ADAMTSL2: variants seen among roughly 807,000 people sequenced by gnomAD.
The protein encoded by ADAMTSL2 is ADAMTS like 2.
In ADAMTSL2, 55 loss-of-function variants were observed where a neutral mutation model predicts 117.0. That is an observed-to-expected ratio of 0.47 (90% CI 0.38 to 0.59). The LOEUF (loss-of-function observed/expected upper bound fraction) is 0.59, where lower values mean the gene tolerates loss of function less well. Ranked by LOEUF, ADAMTSL2 falls within the 20% of genes least tolerant of loss-of-function variation. ADAMTSL2 has a pLI of 0.00. For missense variants in ADAMTSL2, 1,182 were observed against 1,354.5 expected (o/e 0.87, Z 2.00); for synonymous variants, 572 against 566.4 (o/e 1.01, Z -0.14).
chr9:133,555,554 C>T lies in ADAMTSL2; in HGVS notation c.1277-4C>T. 6.2e-7 allele frequency: 1 copy of T among 1,612,972 alleles called. No homozygotes were observed. The highest frequency in any genetic ancestry group is 2.2e-5 in the East Asian group (1 of 44,876). On this transcript the variant is annotated splice_polypyrimidine_tract_variant and splice_region_variant and intron_variant, in intron 10 of 18. Coordinates refer to ENST00000651351, the MANE Select transcript of ADAMTSL2 (RefSeq NM_014694.4). ...CACGGTTGAGCCACCTGTCTCCTCT[C>T]CAGACCGCAACGTCACGGGGACTCC...
intron 9 of ADAMTSL2, among the ~76,000 whole-genome samples, chr9:133,549,870 A>G (rs1326228131): frequency 2.6e-5 from 4 of 152,228 alleles, no homozygotes; most frequent in African/African-American, 9.6e-5. Context: ...TCCAGACCAC[A>G]GACCCCAGAG....
chr9:133,559,574 G>A (rs1257418945), intron 11 of ADAMTSL2, among the ~76,000 whole-genome samples: 1 of 149,850 alleles, frequency 6.7e-6, no homozygotes, highest in African/African-American at 2.5e-5. Flanking sequence ...GGATGGTCTC[G>A]ATCTCCTGAC....
intron 17 of ADAMTSL2, among the ~76,000 whole-genome samples, chr9:133,571,351 T>A (rs937717238): frequency 3.6e-4 from 55 of 152,276 alleles, no homozygotes; most frequent in African/African-American, 1.3e-3. Flanking sequence ...GTGTGGCATC[T>A]GCAAGGGAAG....
At chr9:133,536,501 C>T in intron 1 of ADAMTSL2, 62 bp from the exon 2 acceptor site, 1 of 1,492,220 alleles carries the variant, frequency 6.7e-7, no homozygotes, top group Non-Finnish European at 9.0e-7. Flanking sequence ...CATTACTAAT[C>T]ATTCACCAAG....
rs369011404 is a variant in ADAMTSL2 at position 133,544,537 on chromosome 9, C to T, written c.750C>T (p.Ser250=). The T allele has an allele frequency of 4.7e-5, 76 of 1,614,050 alleles. No homozygotes were observed. The highest frequency in any genetic ancestry group is 3.3e-4 in the Middle Eastern group (2 of 6,062). Residue 250 remains serine, a synonymous_variant, in exon 8 of 19, where the codon TCC becomes TCT. Transcript: ENST00000651351. The stretch of plus-strand genomic sequence containing the variant: ...TCCAGATTGTAGAGAGGAAGAAGTC[C>T]GCTGACGTGCTAGGTGGGTACGCAG... ...RDIQIVERKK[S]ADVLALADEA...
intron 9 of ADAMTSL2, among the ~76,000 whole-genome samples, chr9:133,550,861 T>C (rs1332882550): frequency 6.6e-6 from 1 of 152,172 alleles, no homozygotes; most frequent in Admixed American, 6.5e-5. Flanking sequence ...CCATTCTGTC[T>C]TCTACTGGGG....
chr9:133,545,177 G>A (rs914700267), intron 8 of ADAMTSL2, among the ~76,000 whole-genome samples: 34 of 152,226 alleles, frequency 2.2e-4, no homozygotes, highest in Admixed American at 1.7e-3. Context: ...AGTATTGGCC[G>A]AGCAGCGTGC....
intron 5 of ADAMTSL2, 81 bp downstream of exon 5, chr9:133,539,954 T>C: frequency 7.7e-7 from 1 of 1,306,930 alleles, no homozygotes; most frequent in Non-Finnish European, 1.1e-6. Flanking sequence ...GGGACCAAAC[T>C]CGACGGGTGG....
intron 16 of ADAMTSL2, 46 bp from the exon 17 acceptor site, chr9:133,570,285 C>T: frequency 6.5e-7 from 1 of 1,534,266 alleles, no homozygotes; most frequent in South Asian, 1.2e-5. Context: ...TGTGTAGGGT[C>T]CTGCTGGGCC....
At position 133,540,706 on chromosome 9, in the gene ADAMTSL2, C is replaced by G; in HGVS notation, c.521C>G (p.Thr174Ser). The change falls in exon 6 of 19, where the codon ACT becomes AGT. Residue 174 changes from threonine (T) to serine (S), a missense_variant. Around this residue, in one of 3 missense-constraint regions of ADAMTSL2, gnomAD observed 372 missense variants for 463.4 expected, o/e 0.80. Coordinates refer to ENST00000651351, the MANE Select transcript of ADAMTSL2 (RefSeq NM_014694.4). ...CGCGACGGCACATCCTGCAAGCTCA[C>G]TGACCTGCGAGGGGTTTGCGTGTCT... ...PARDGTSCKL[T>S]DLRGVCVSGK... The G allele has an allele frequency of 1.2e-6, 2 of 1,613,952 alleles. No individual in the cohort carries two copies. Among genetic ancestry groups the G allele is most frequent in the Non-Finnish European group, 1.7e-6 (2 of 1,180,052 alleles).
chr9:133,571,595 CT>C (rs1450498303), intron 17 of ADAMTSL2, among the ~76,000 whole-genome samples: 3 of 152,208 alleles, frequency 2.0e-5, no homozygotes, highest in Non-Finnish European at 4.4e-5. Context: ...GCCCCTCTGC[CT>C]TCTGGGCCCC....
chr9:133,540,005 A>G, intron 5 of ADAMTSL2, 132 bp downstream of exon 5: 1 of 855,394 alleles, frequency 1.2e-6, no homozygotes, highest in Non-Finnish European at 1.9e-6. Context: ...AGAGCCAGGA[A>G]TGAACCTGGG....
chr9:133,568,898 A>G (rs1382833621), intron 15 of ADAMTSL2, 140 bp downstream of exon 15: 5 of 1,153,712 alleles, frequency 4.3e-6, no homozygotes, highest in East Asian at 2.5e-5. Flanking sequence ...CTCCCATGTT[A>G]TTATAGGAAT....
chr9:133,562,632 T>C (rs9330155), intron 12 of ADAMTSL2, among the ~76,000 whole-genome samples: 16,516 of 47,684 alleles, frequency 0.35, 4,935 homozygotes, highest in African/African-American at 0.46. Flanking sequence ...CTGGGCCCGG[T>C]TCGCACCGCC....
Position 133,558,224 on chromosome 9 carries a change from C to T in ADAMTSL2, c.1649+2294C>T, listed in dbSNP as rs992922268. Among the ~76,000 whole-genome samples the T allele has an allele frequency of 5.3e-5, 8 of 152,180 alleles. No homozygotes were observed. The highest frequency in any genetic ancestry group is 1.4e-4 in the African/African-American group (6 of 41,442). On this transcript the variant is annotated intron_variant, in intron 11 of 18. Transcript: ENST00000651351. The surrounding 1 kb of genome is among the most constrained non-coding windows in gnomAD (Gnocchi z 4.3). Reference sequence around the variant, plus strand: ...GACTGCTGAGATGCCGCTGCTCCCCCGGCCGGCCTGCCATCAAAGGATGCT... The same window carrying T: ...GACTGCTGAGATGCCGCTGCTCCCCTGGCCGGCCTGCCATCAAAGGATGCT...
chr9:133,544,903 T>G (rs1024215456), intron 8 of ADAMTSL2, among the ~76,000 whole-genome samples: 4 of 152,148 alleles, frequency 2.6e-5, no homozygotes, highest in Non-Finnish European at 5.9e-5. Context: ...GGAGTGAGTC[T>G]CAGGAGATGA....
Position 133,570,429 on chromosome 9 carries a change from G to C in ADAMTSL2, c.2514G>C (p.Gly838=). 1 of 1,605,838 alleles carries C rather than the reference G, an allele frequency of 6.2e-7. No homozygotes were observed. The highest frequency in any genetic ancestry group is 2.3e-5 in the East Asian group (1 of 44,364). ...AGACGCGCAGTGGCCCCGAGTGCGG[G>C]CTCGCCAAGAAGCCTCCCGAGGAGA... ...KPQTRSGPEC[G]LAKKPPEEST... is the part of the protein sequence containing the mutation. The change falls in exon 17 of 19, where the codon GGG becomes GGC. Residue 838 remains glycine, a synonymous_variant. Coordinates refer to ENST00000651351, the MANE Select transcript of ADAMTSL2 (RefSeq NM_014694.4).
intron 12 of ADAMTSL2, among the ~76,000 whole-genome samples, chr9:133,566,358 T>C (rs1830972902): frequency 6.6e-6 from 1 of 152,164 alleles, no homozygotes; most frequent in African/African-American, 2.4e-5. Context: ...GGAGAATTGC[T>C]TGAACCCAGG....
At chr9:133,564,961 G>A (rs978870909) in intron 12 of ADAMTSL2, among the ~76,000 whole-genome samples, 3 of 152,110 alleles carry the variant, frequency 2.0e-5, no homozygotes, top group Non-Finnish European at 2.9e-5. Context: ...AGCTTTGGCC[G>A]CGGTGGGGAA....
Sources: gnomAD v4.1 joint callset for allele counts (sites outside exome capture counted in the v4.1 genomes callset) on GRCh38, gnomAD v4.1.1 for gene constraint, gnomAD v4.1.1 regional missense constraint, Gnocchi (gnomAD v3.1) non-coding constraint, MANE v1.5 for transcripts, NCBI Gene and HGNC (gene_info 2026-07-23, HGNC 2026-07-21) for gene names.